PPP2R2B: variants seen among roughly 807,000 people sequenced by gnomAD.
The protein encoded by PPP2R2B is protein phosphatase 2 regulatory subunit Bbeta, also known as serine/threonine-protein phosphatase 2A 55 kDa regulatory subunit B beta isoform.
A neutral mutation model predicts 46.0 loss-of-function variants in PPP2R2B; 5 were observed. That is an observed-to-expected ratio of 0.11 (90% confidence interval 0.06 to 0.23). The LOEUF (loss-of-function observed/expected upper bound fraction) is 0.23, where lower values mean the gene tolerates loss of function less well. Ranked by LOEUF, PPP2R2B falls within the 10% of genes least tolerant of loss-of-function variation. PPP2R2B has a pLI of 1.00. For missense variants in PPP2R2B, 367 were observed against 575.0 expected (o/e 0.64, Z 3.70); for synonymous variants, 215 against 206.7 (o/e 1.04, Z -0.34).
chr5:146,798,163 T>C (rs1392882267), intron 2 of PPP2R2B, among the ~76,000 whole-genome samples: 3 of 152,144 alleles, frequency 2.0e-5, no homozygotes, highest in African/African-American at 7.2e-5. Context: ...CTAATTCTTT[T>C]TCATTCACCC....
intron 1 of PPP2R2B, among the ~76,000 whole-genome samples, chr5:146,954,554 C>T (rs916519409): frequency 6.6e-6 from 1 of 151,982 alleles, no homozygotes; most frequent in African/African-American, 2.4e-5. Flanking sequence ...AAACTGGGTG[C>T]AGTATTCACT....
intron 2 of PPP2R2B, among the ~76,000 whole-genome samples, chr5:146,774,816 CAA>C (rs548935070): frequency 3.3e-4 from 22 of 66,670 alleles, no homozygotes; most frequent in Admixed American, 3.0e-4. Flanking sequence ...GACTCTGTCT[CAA>C]AAAAAAAAAA....
chr5:146,677,435 G>C (rs545178851), intron 5 of PPP2R2B, among the ~76,000 whole-genome samples: 13 of 151,648 alleles, frequency 8.6e-5, no homozygotes, highest in African/African-American at 2.9e-4. Flanking sequence ...ATTTTTTTTT[G>C]TTTGTTTGTT....
At chr5:146,692,407 CAGAACTCCCATG>C (rs1389046688) in intron 4 of PPP2R2B, among the ~76,000 whole-genome samples, 2 of 151,974 alleles carry the variant, frequency 1.3e-5, no homozygotes, top group Non-Finnish European at 2.9e-5. Context: ...CCTATCCCTA[CAGAACTCCCATG>C]AGAACTCCCA....
chr5:147,074,377 T>C (rs1757697431), intron 2 of PPP2R2B, among the ~76,000 whole-genome samples: 1 of 152,200 alleles, frequency 6.6e-6, no homozygotes. Context: ...TTGCCAGCCC[T>C]TCACCCTGTA....
At chr5:146,871,077 G>A (rs1346985794) in intron 2 of PPP2R2B, among the ~76,000 whole-genome samples, 2 of 152,198 alleles carry the variant, frequency 1.3e-5, no homozygotes, top group Non-Finnish European at 2.9e-5. Flanking sequence ...TGTTGGGGCT[G>A]ACTTTCAGCC....
At position 146,813,163 on chromosome 5, in the gene PPP2R2B, T is replaced by C. The variant is rs150835365; in HGVS notation, c.70+64839A>G. ...TGTGTGTATATATATGTATATATGC[T>C]ATATGTAGAGTATGAAGCAGTGCCT... On this transcript the variant is annotated intron_variant, in intron 2 of 9. Coordinates refer to ENST00000394411, the MANE Select transcript of PPP2R2B (RefSeq NM_181675.4). Among the ~76,000 whole-genome samples, 946 of 151,838 alleles carry C rather than the reference T, an allele frequency of 6.2e-3. 8 individuals carry two copies. Among genetic ancestry groups the C allele is most frequent in the African/African-American group, 0.022 (912 of 41,418 alleles).
intron 1 of PPP2R2B, among the ~76,000 whole-genome samples, chr5:146,938,794 C>G (rs1219837556): frequency 8.5e-6 from 1 of 117,286 alleles, no homozygotes; most frequent in East Asian, 2.6e-4. Flanking sequence ...GACAGAGTCT[C>G]CCTCTGTTGT....
intron 2 of PPP2R2B, among the ~76,000 whole-genome samples, chr5:147,064,852 A>G (rs1757373666): frequency 6.6e-6 from 1 of 152,188 alleles, no homozygotes; most frequent in Non-Finnish European, 1.5e-5. Flanking sequence ...AACCAAGTAC[A>G]CTGACAAGGA....
chr5:146,958,323 C>G (rs1033003785), intron 1 of PPP2R2B, among the ~76,000 whole-genome samples: 1 of 152,122 alleles, frequency 6.6e-6, no homozygotes, highest in Non-Finnish European at 1.5e-5. Flanking sequence ...AGCCTTCAAT[C>G]CCAGAGAGAT....
intron 1 of PPP2R2B, among the ~76,000 whole-genome samples, chr5:146,915,086 T>C (rs1227556209): frequency 6.6e-6 from 1 of 152,176 alleles, no homozygotes; most frequent in Non-Finnish European, 1.5e-5. Flanking sequence ...TGCTCTCAGA[T>C]ATATCCTTAT....
At chr5:147,017,592 AAAGAG>A (rs1234885817) in intron 1 of PPP2R2B, among the ~76,000 whole-genome samples, 2 of 151,570 alleles carry the variant, frequency 1.3e-5, no homozygotes, top group Non-Finnish European at 2.9e-5. Flanking sequence ...ATGCAAAGAG[AAAGAG>A]AAGAGAAAAA....
At chr5:146,889,350 T>A in intron 1 of PPP2R2B, among the ~76,000 whole-genome samples, 1 of 152,186 alleles carries the variant, frequency 6.6e-6, no homozygotes, top group South Asian at 2.1e-4. Flanking sequence ...CAGATGACCA[T>A]GTGACTTAGG....
At chr5:146,607,459 AT>A (rs1279029848) in intron 7 of PPP2R2B, among the ~76,000 whole-genome samples, 1 of 152,206 alleles carries the variant, frequency 6.6e-6, no homozygotes, top group Non-Finnish European at 1.5e-5. Context: ...ATAGCCCTCC[AT>A]TAATTCAACA....
intron 2 of PPP2R2B, among the ~76,000 whole-genome samples, chr5:147,072,317 T>A (rs140689648): frequency 6.6e-6 from 1 of 152,344 alleles, no homozygotes; most frequent in East Asian, 1.9e-4. Context: ...TGTAATGAAT[T>A]GTTTTGAATG....
rs34269274 is a variant in PPP2R2B at position 146,832,379 on chromosome 5, C to CTTT, written c.70+45620_70+45622dup. Among the ~76,000 whole-genome samples the CTTT allele has an allele frequency of 8.0e-3, 561 of 70,146 alleles. 52 individuals carry two copies. Among genetic ancestry groups the CTTT allele is most frequent in the Admixed American group, 0.011 (51 of 4,716 alleles). The allele number at this position is 70,146 out of a possible 152,430, so 46.0% of individuals were successfully genotyped here. A position where few individuals can be genotyped will look rare whatever the true frequency, so the allele number is the denominator to read the frequency against. On this transcript the variant is annotated intron_variant, in intron 2 of 9. Coordinates refer to ENST00000394411, the MANE Select transcript of PPP2R2B (RefSeq NM_181675.4). ...CACAAGTAAGTGTGCCATTTTTAAT[C>CTTT]TTTTTTTTTTTTTTTTTTTTTTTTT...
intron 2 of PPP2R2B, among the ~76,000 whole-genome samples, chr5:146,842,795 CTAA>C (rs2151373295): frequency 6.6e-6 from 1 of 152,240 alleles, no homozygotes; most frequent in Non-Finnish European, 1.5e-5. Context: ...TCCTTATCTG[CTAA>C]TAACAACTAA....
chr5:146,598,508 C>A (rs1008150462), intron 8 of PPP2R2B, among the ~76,000 whole-genome samples: 1 of 152,138 alleles, frequency 6.6e-6, no homozygotes, highest in African/African-American at 2.4e-5. Flanking sequence ...CTAAATATAT[C>A]CAGACTCACA....
intron 7 of PPP2R2B, among the ~76,000 whole-genome samples, chr5:146,626,017 C>A (rs550125481): frequency 6.6e-6 from 1 of 152,172 alleles, no homozygotes; most frequent in East Asian, 1.9e-4. Context: ...AACATTCCCC[C>A]CTAGAGCCTC....
Sources: allele counts gnomAD v4.1 joint callset (sites outside exome capture counted in the v4.1 genomes callset), GRCh38; gene constraint gnomAD v4.1.1; transcripts MANE v1.5; gene names NCBI Gene and HGNC (gene_info 2026-07-23, HGNC 2026-07-21).